The following PDZD2 variants were observed in gnomAD, a reference collection of about 807,000 sequenced individuals.
The protein encoded by PDZD2 is PDZ domain containing 2.
In PDZD2, 90 loss-of-function variants were observed where a neutral mutation model predicts 220.7. That is an observed-to-expected ratio of 0.41 (90% confidence interval 0.34 to 0.49). The LOEUF (loss-of-function observed/expected upper bound fraction) is 0.49, where lower values mean the gene tolerates loss of function less well. PDZD2 is among the 20% of genes least tolerant of loss of function. PDZD2 has a pLI of 0.28. For synonymous variants in PDZD2, 1,375 were observed against 1,450.5 expected, an observed-to-expected ratio of 0.95 and a Z score of 1.18; for missense variants, 3,174 against 3,608.5, an observed-to-expected ratio of 0.88 and a Z score of 3.08.
In PDZD2 at chr5:32,057,521, G is replaced by C. The variant is rs571834991; in HGVS notation, c.1901-134G>C. ...ATTTTGTGACATTCCTGGGAGCTAAGCTAAACAATAAAAGTTATTTTATGT... is the reference window on the plus strand; with the variant it reads ...ATTTTGTGACATTCCTGGGAGCTAACCTAAACAATAAAAGTTATTTTATGT... On this transcript the variant is annotated intron_variant, in intron 10 of 24. Transcript: ENST00000438447. 9.5e-6 allele frequency: 6 copies of C among 632,274 alleles called. No individual in the cohort carries two copies. In the South Asian group the frequency reaches 1.3e-4, roughly 13 times the overall value. The allele number at this position is 632,274 out of a possible 1,614,324, so 39.2% of individuals were successfully genotyped here.
At chr5:31,790,797 C>A (rs995558099) in intron 1 of PDZD2, among the ~76,000 whole-genome samples, 1 of 142,608 alleles carries the variant, frequency 7.0e-6, no homozygotes, top group African/African-American at 2.5e-5. Context: ...CTCCTGGGTT[C>A]ATGCCATTCT....
Position 32,088,270 on chromosome 5 carries a change from C to T in PDZD2, c.4822C>T (p.Pro1608Ser), listed in dbSNP as rs1347167512. 5 of 1,614,102 alleles carry T rather than the reference C, an allele frequency of 3.1e-6. 1 individual carries two copies. The Admixed American group carries it at 8.3e-5, about 27-fold the overall frequency. Residue 1608 changes from proline (P) to serine (S), a missense_variant, in exon 20 of 25, where the codon CCC becomes TCC. Pro to Ser is a moderately conservative substitution (Grantham distance 74). Transcript: ENST00000438447. This position sits in a 1 kb window ranked among gnomAD's most constrained non-coding sequence, Gnocchi z 4.6. ...QIEICSTRGC[P>S]NPPSSPAHLP... ...TGAGATTTGTTCCACACGTGGCTGC[C>T]CCAATCCACCCTCGAGTCCTGCTCA...
At chr5:32,002,242 G>C (rs531599817) in intron 5 of PDZD2, among the ~76,000 whole-genome samples, 1 of 152,202 alleles carries the variant, frequency 6.6e-6, no homozygotes, top group East Asian at 1.9e-4. Context: ...GTGAAGACTT[G>C]GCAGGAAGAG....
In PDZD2 at chr5:32,090,388, G is replaced by A; in HGVS notation, c.6940G>A (p.Val2314Ile). 1 of 1,614,188 alleles carries A rather than the reference G, an allele frequency of 6.2e-7. No individual in the cohort carries two copies. Among genetic ancestry groups the A allele is most frequent in the Non-Finnish European group, 8.5e-7 (1 of 1,180,032 alleles). ...CTGCCTAGTCACAGACAAAATCAAA[G>A]TCACCAGACGACACTACTGCTATGA... is the stretch of plus-strand genomic sequence containing the variant. ...TSCLVTDKIKVTRRHYCYEQN... is the reference protein window; with the variant it reads ...TSCLVTDKIKITRRHYCYEQN... The change falls in exon 20 of 25, where the codon GTC (valine) becomes ATC (isoleucine). Residue 2314 changes from valine (V) to isoleucine (I), a missense_variant. This residue lies in a region of PDZD2 where 631 missense variants were observed against 789.9 expected (regional missense o/e 0.80). Transcript: ENST00000438447. This position sits in a 1 kb window ranked among gnomAD's most constrained non-coding sequence, Gnocchi z 4.3.
chr5:31,678,344 T>A (rs1205379207), intron 1 of PDZD2, among the ~76,000 whole-genome samples: 3 of 152,180 alleles, frequency 2.0e-5, no homozygotes, highest in Non-Finnish European at 4.4e-5. Context: ...GATCCAAGGC[T>A]CTATGTCCCT....
Position 32,087,456 on chromosome 5 carries a change from T to C in PDZD2, c.4008T>C (p.Ala1336=). The change falls in exon 20 of 25, where the codon GCT becomes GCC. Residue 1336 remains alanine, a synonymous_variant. Transcript: ENST00000438447. This position sits in a 1 kb window ranked among gnomAD's most constrained non-coding sequence, Gnocchi z 4.0. The stretch of plus-strand genomic sequence containing the variant: ...CTGGAGCAGAGGGAATGACACCAGC[T>C]GGTGCTGTCCTGCCAGGAGACCCCC... The part of the protein sequence containing the change: ...AGPGAEGMTP[A]GAVLPGDPLT... The C allele has an allele frequency of 6.2e-7, 1 of 1,614,052 alleles. No homozygotes were observed. Among genetic ancestry groups the C allele is most frequent in the East Asian group, 2.2e-5 (1 of 44,878 alleles).
intron 7 of PDZD2, among the ~76,000 whole-genome samples, chr5:32,038,820 C>A (rs1755771552): frequency 6.6e-6 from 1 of 152,142 alleles, no homozygotes. Flanking sequence ...TACCTTGTGA[C>A]TGTAGGCTAA....
intron 2 of PDZD2, among the ~76,000 whole-genome samples, chr5:31,980,354 A>G (rs528385819): frequency 1.3e-5 from 2 of 152,324 alleles, no homozygotes; most frequent in East Asian, 1.9e-4. Context: ...CCCATGTTGT[A>G]GCATATAATT....
At chr5:31,906,874 C>A (rs560722975) in intron 2 of PDZD2, among the ~76,000 whole-genome samples, 1 of 152,146 alleles carries the variant, frequency 6.6e-6, no homozygotes, top group Non-Finnish European at 1.5e-5. Flanking sequence ...AGACTACTTA[C>A]AATATCTAGA....
intron 8 of PDZD2, among the ~76,000 whole-genome samples, chr5:32,049,209 T>C (rs575394530): frequency 1.8e-4 from 28 of 152,206 alleles, no homozygotes; most frequent in African/African-American, 6.7e-4. Flanking sequence ...CCTGCTCCCG[T>C]CTGAGATCCG....
At chr5:31,730,589 T>TG (rs1297138202) in intron 1 of PDZD2, among the ~76,000 whole-genome samples, 1,350 of 118,124 alleles carry the variant, frequency 0.011, 7 homozygotes, top group African/African-American at 0.014. Flanking sequence ...TGTGTGTGTG[T>TG]GTGGTGTGTG....
intron 2 of PDZD2, among the ~76,000 whole-genome samples, chr5:31,832,204 G>A (rs1035300274): frequency 6.6e-6 from 1 of 152,070 alleles, no homozygotes; most frequent in Non-Finnish European, 1.5e-5. Flanking sequence ...TTATGTAAGG[G>A]TCCTAGAATA....
chr5:31,905,530 A>G (rs1742566194), intron 2 of PDZD2, among the ~76,000 whole-genome samples: 1 of 152,142 alleles, frequency 6.6e-6, no homozygotes. Flanking sequence ...AGTTCAGTTT[A>G]CCACTGGAAG....
In PDZD2 at chr5:32,000,151, G is replaced by A. The variant is rs1276654418; in HGVS notation, c.1134G>A (p.Leu378=). ...EGGAAHRDGR[L]SLGDELLVIN... ...TCCCTTTCCTCAGGGATGGCAGGCTGTCCTTAGGAGATGAGCTGCTGGTAA... is the reference window on the plus strand; with the variant it reads ...TCCCTTTCCTCAGGGATGGCAGGCTATCCTTAGGAGATGAGCTGCTGGTAA... Residue 378 remains leucine, a synonymous_variant, in exon 5 of 25, where the codon CTG becomes CTA. Coordinates refer to ENST00000438447, the MANE Select transcript of PDZD2 (RefSeq NM_178140.4). This position sits in a 1 kb window ranked among gnomAD's most constrained non-coding sequence, Gnocchi z 4.5. 2 of 1,614,094 alleles carry A rather than the reference G, an allele frequency of 1.2e-6. No individual in the cohort carries two copies. The highest frequency in any genetic ancestry group is 1.7e-6 in the Non-Finnish European group (2 of 1,179,944).
intron 1 of PDZD2, among the ~76,000 whole-genome samples, chr5:31,678,927 C>T (rs1044427356): frequency 1.3e-5 from 2 of 152,070 alleles, no homozygotes; most frequent in African/African-American, 2.4e-5. Context: ...TTTTTTCCCC[C>T]CTTTTTAATT....
At chr5:31,909,486 C>G (rs911228963) in intron 2 of PDZD2, among the ~76,000 whole-genome samples, 2 of 151,988 alleles carry the variant, frequency 1.3e-5, no homozygotes, top group Non-Finnish European at 2.9e-5. Flanking sequence ...GAATTTTCTA[C>G]GCTGATTAAA....
chr5:31,953,059 C>CAA (rs776311443), intron 2 of PDZD2, among the ~76,000 whole-genome samples: 61 of 53,946 alleles, frequency 1.1e-3, no homozygotes, highest in African/African-American at 3.8e-3. Context: ...GACTCCATCT[C>CAA]AAAAAAAAAA....
At chr5:31,984,782 T>A (rs992541831) in intron 3 of PDZD2, among the ~76,000 whole-genome samples, 1 of 152,086 alleles carries the variant, frequency 6.6e-6, no homozygotes, top group African/African-American at 2.4e-5. Flanking sequence ...GAGCCAAGAT[T>A]CTACCACTGC....
At position 32,087,760 on chromosome 5, in the gene PDZD2, G is replaced by A. The variant is rs1742639703; in HGVS notation, c.4312G>A (p.Ala1438Thr). The A allele has an allele frequency of 1.2e-6, 2 of 1,614,114 alleles. No individual in the cohort carries two copies. The highest frequency in any genetic ancestry group is 1.7e-6 in the Non-Finnish European group (2 of 1,180,026). Reference sequence around the variant, plus strand: ...CTTCATCAAGGAGCTGGATGCTTCTGCAGCAAGGTCTCCGTCTTCCCAGAC... The same window carrying A: ...CTTCATCAAGGAGCTGGATGCTTCTACAGCAAGGTCTCCGTCTTCCCAGAC... ...DSFIKELDASAARSPSSQTGD... is the reference protein window; with the variant it reads ...DSFIKELDASTARSPSSQTGD... Residue 1438 changes from alanine (A) to threonine (T), a missense_variant, in exon 20 of 25, where the codon GCA (alanine) becomes ACA (threonine). Ala to Thr is a moderately conservative substitution (Grantham distance 58). Transcript: ENST00000438447. The surrounding 1 kb of genome is among the most constrained non-coding windows in gnomAD (Gnocchi z 4.0).
Sources: allele counts gnomAD v4.1 joint callset (sites outside exome capture counted in the v4.1 genomes callset), GRCh38; gene constraint gnomAD v4.1.1; regional missense constraint gnomAD v4.1.1; non-coding constraint Gnocchi (gnomAD v3.1); transcripts MANE v1.5; gene names NCBI Gene and HGNC (gene_info 2026-07-23, HGNC 2026-07-21).